Variants in ELAVL4 observed in about 807,000 individuals in gnomAD.
ELAVL4 encodes ELAV-like protein 4.
ELAVL4 carries 1 observed loss-of-function variant against 35.6 expected under a neutral mutation model. That is an observed-to-expected ratio of 0.03 (90% CI 0.01 to 0.13). The LOEUF (loss-of-function observed/expected upper bound fraction) is 0.13, where lower values mean the gene tolerates loss of function less well. Among genes scored for constraint, ELAVL4 ranks in the 10% least tolerant of loss-of-function variants. The pLI is 1.00. For missense variants in ELAVL4, 267 were observed against 464.9 expected (o/e 0.57, Z 3.91); for synonymous variants, 156 against 171.0 (o/e 0.91, Z 0.69).
intron 2 of ELAVL4, among the ~76,000 whole-genome samples, chr1:50,152,829 A>G (rs115147918): frequency 0.016 from 2,366 of 152,312 alleles, 66 homozygotes; most frequent in African/African-American, 0.053. Flanking sequence ...TGGAGAGAAG[A>G]TAAAATTCAG....
chr1:50,110,854 C>A (rs1343505675), intron 1 of ELAVL4, among the ~76,000 whole-genome samples: 4 of 151,996 alleles, frequency 2.6e-5, no homozygotes, highest in Admixed American at 2.6e-4. Context: ...AGCAGCCCAA[C>A]TGAAAGCGAT....
At chr1:50,093,133 G>A (rs1665565392) in intron 1 of ELAVL4, among the ~76,000 whole-genome samples, 1 of 152,066 alleles carries the variant, frequency 6.6e-6, no homozygotes, top group Non-Finnish European at 1.5e-5. Context: ...GGATAAGTGG[G>A]GACAAGTGTT....
intron 1 of ELAVL4, among the ~76,000 whole-genome samples, chr1:50,063,986 G>A (rs1466057611): frequency 6.6e-6 from 1 of 152,108 alleles, no homozygotes; most frequent in African/African-American, 2.4e-5. Context: ...AATTATCTAG[G>A]GGAAGAGGGA....
intron 1 of ELAVL4, among the ~76,000 whole-genome samples, chr1:50,068,127 G>A (rs892231764): frequency 4.4e-4 from 67 of 152,266 alleles, no homozygotes; most frequent in African/African-American, 1.6e-3. Context: ...TCATCATTAA[G>A]TGCTGTAAGG....
intron 1 of ELAVL4, among the ~76,000 whole-genome samples, chr1:50,122,422 G>T (rs1213075662): frequency 6.6e-6 from 1 of 152,080 alleles, no homozygotes; most frequent in African/African-American, 2.4e-5. Flanking sequence ...ATTCACTAAA[G>T]ATTTATTACA....
In ELAVL4 at chr1:50,201,234, C is replaced by G; in HGVS notation, c.*56C>G. On this transcript the variant is annotated 3_prime_UTR_variant, in exon 7 of 7. Transcript: ENST00000371824. The surrounding 1 kb of genome is among the most constrained non-coding windows in gnomAD (Gnocchi z 4.3). ...TAGAAATATATACGAACAAAACACA[C>G]GCGCGCACACACACACATACACGAA... 1 of 1,465,858 alleles carries G rather than the reference C, an allele frequency of 6.8e-7. No individual in the cohort carries two copies. The highest frequency in any genetic ancestry group is 1.4e-5 in the South Asian group (1 of 69,044). 90.8% of individuals were successfully genotyped at this position (1,465,858 alleles called of 1,614,324 possible).
At chr1:50,200,657 C>T (rs1420413628) in intron 6 of ELAVL4, 194 bp from the exon 7 acceptor site, 7 of 1,165,638 alleles carry the variant, frequency 6.0e-6, no homozygotes, top group Non-Finnish European at 8.3e-6. Context: ...ATGAACATGC[C>T]CTAGCCAGTC....
chr1:50,113,063 G>A (rs755484513), intron 1 of ELAVL4, among the ~76,000 whole-genome samples: 4 of 152,028 alleles, frequency 2.6e-5, no homozygotes, highest in Non-Finnish European at 4.4e-5. Context: ...TTTCTATTAG[G>A]TATAAGCTAT....
intron 1 of ELAVL4, among the ~76,000 whole-genome samples, chr1:50,087,303 C>T (rs953485072): frequency 9.2e-5 from 14 of 152,078 alleles, no homozygotes; most frequent in African/African-American, 3.4e-4. Flanking sequence ...AGGGACTTAG[C>T]CAAGGTGACA....
chr1:50,090,576 C>T (rs943038385), intron 1 of ELAVL4, among the ~76,000 whole-genome samples: 4 of 152,160 alleles, frequency 2.6e-5, no homozygotes, highest in African/African-American at 9.7e-5. Context: ...TTTCACAGTT[C>T]AGCATGGGTC....
In ELAVL4 at chr1:50,097,612, TA is replaced by T. The variant is rs1665774876; in HGVS notation, c.19-47341del. On this transcript the variant is annotated intron_variant, in intron 1 of 6. Coordinates refer to the ELAVL4 transcript ENST00000448907. ...TCTTCCTTTATGTTCCCTAGTGAATTAAAATGGATCTTACTTTCACAAACAT... is the reference window on the plus strand; with the variant it reads ...TCTTCCTTTATGTTCCCTAGTGAATTAAATGGATCTTACTTTCACAAACAT... Among the ~76,000 whole-genome samples the T allele has an allele frequency of 2.0e-5, 3 of 152,270 alleles. No individual in the cohort carries two copies. The South Asian group carries it at 6.2e-4, about 32-fold the overall frequency.
chr1:50,055,285 G>GTTTTGT (rs570949851), intron 1 of ELAVL4, among the ~76,000 whole-genome samples: 95 of 149,426 alleles, frequency 6.4e-4, no homozygotes, highest in South Asian at 1.1e-3. Flanking sequence ...TTTTTTTTTT[G>GTTTTGT]TTTTGTTTTT....
At position 50,195,664 on chromosome 1, in the gene ELAVL4, G is replaced by A. The variant is rs779827968; in HGVS notation, c.612G>A (p.Pro204=). Reference sequence around the variant, plus strand: ...AGAAGCCCAGCGGTGCTACGGAACCGATTACTGTGAAGTTTGCCAACAACC... The same window carrying A: ...AGAAGCCCAGCGGTGCTACGGAACCAATTACTGTGAAGTTTGCCAACAACC... ...NGQKPSGATE[P]ITVKFANNPS... Residue 204 remains proline, a synonymous_variant, in exon 5 of 7, where the codon CCG becomes CCA. Transcript: ENST00000371824. 5.6e-6 allele frequency: 9 copies of A among 1,614,036 alleles called. No individual in the cohort carries two copies. The highest frequency in any genetic ancestry group is 5.0e-5 in the Admixed American group (3 of 60,010).
At chr1:50,191,479 T>C (rs945069221) in intron 3 of ELAVL4, among the ~76,000 whole-genome samples, 3 of 152,086 alleles carry the variant, frequency 2.0e-5, no homozygotes, top group Admixed American at 2.0e-4. Context: ...TCATGAGCTG[T>C]GGGTGTTTAT....
At chr1:50,102,522 T>G (rs1045884053), upstream of ELAVL4, among the ~76,000 whole-genome samples, 1 of 151,854 alleles carries the variant, frequency 6.6e-6, no homozygotes, top group African/African-American at 2.4e-5. Context: ...ATCTATTCCT[T>G]TATTATTAGT....
chr1:50,179,218 G>C (rs1680629354), intron 3 of ELAVL4, among the ~76,000 whole-genome samples: 1 of 151,152 alleles, frequency 6.6e-6, no homozygotes, highest in Non-Finnish European at 1.5e-5. Flanking sequence ...TTTGCACCCA[G>C]CGGTAATGTG....
chr1:50,122,495 T>C (rs575340088), intron 1 of ELAVL4, among the ~76,000 whole-genome samples: 1 of 152,244 alleles, frequency 6.6e-6, no homozygotes, highest in South Asian at 2.1e-4. Flanking sequence ...AAAGAAACAC[T>C]GTACATTTTT....
intron 1 of ELAVL4, among the ~76,000 whole-genome samples, chr1:50,121,220 TA>T (rs1289600855): frequency 6.6e-6 from 1 of 152,052 alleles, no homozygotes; most frequent in African/African-American, 2.4e-5. Context: ...CCAACTAACA[TA>T]ACCTTTCTGA....
intron 2 of ELAVL4, among the ~76,000 whole-genome samples, chr1:50,163,024 G>A (rs142207852): frequency 2.8e-4 from 42 of 152,314 alleles, no homozygotes; most frequent in Middle Eastern, 3.4e-3. Context: ...CTTAGAAATG[G>A]TATTGACAGT....
Sources: allele counts gnomAD v4.1 joint callset (sites outside exome capture counted in the v4.1 genomes callset), GRCh38; gene constraint gnomAD v4.1.1; non-coding constraint Gnocchi (gnomAD v3.1); transcripts MANE v1.5; gene names NCBI Gene and HGNC (gene_info 2026-07-23, HGNC 2026-07-21).